The following CNBD1 variants were observed in gnomAD, a reference collection of about 807,000 sequenced individuals.
CNBD1 encodes cyclic nucleotide binding domain containing 1.
CNBD1 carries 71 observed loss-of-function variants against 54.4 expected under a neutral mutation model. The ratio of observed to expected loss-of-function variants is 1.30; its 90% CI spans 1.08 to 1.59. The LOEUF (loss-of-function observed/expected upper bound fraction) is 1.59, where lower values mean the gene tolerates loss of function less well. CNBD1 is among the 40% of genes most tolerant of loss of function. CNBD1 has a pLI of 0.00. For missense variants in CNBD1, 659 were observed against 518.0 expected, an observed-to-expected ratio of 1.27 and a Z score of -2.64; for synonymous variants, 182 against 170.7, an observed-to-expected ratio of 1.07 and a Z score of -0.51.
intron 6 of CNBD1, among the ~76,000 whole-genome samples, chr8:87,280,484 G>T (rs16898287): frequency 0.28 from 42,544 of 151,186 alleles, 6,444 homozygotes; most frequent in African/African-American, 0.39. Flanking sequence ...TTGTGTTTTT[G>T]TTGGTCCATT....
At chr8:87,078,221 A>C (rs1810915400) in intron 4 of CNBD1, among the ~76,000 whole-genome samples, 1 of 152,212 alleles carries the variant, frequency 6.6e-6, no homozygotes. Flanking sequence ...CCAGTCAATA[A>C]GACTAGGTGG....
chr8:87,426,648 A>C (rs1401942664), intron 2 of CNBD1, among the ~76,000 whole-genome samples: 6 of 152,214 alleles, frequency 3.9e-5, no homozygotes, highest in Non-Finnish European at 4.4e-5. Flanking sequence ...TCAATTTCTC[A>C]TTTGTAAAAT....
At chr8:87,230,835 C>T (rs1165015728) in intron 5 of CNBD1, among the ~76,000 whole-genome samples, 1 of 152,020 alleles carries the variant, frequency 6.6e-6, no homozygotes, top group African/African-American at 2.4e-5. Flanking sequence ...GCCAATCAAC[C>T]CACTTGTCAT....
At chr8:87,236,083 T>C (rs1807579308) in intron 5 of CNBD1, among the ~76,000 whole-genome samples, 2 of 151,904 alleles carry the variant, frequency 1.3e-5, no homozygotes, top group Admixed American at 1.3e-4. Flanking sequence ...GCCCTGAAAA[T>C]GCAATTTGTA....
chr8:87,037,654 T>A (rs532630985), intron 4 of CNBD1, among the ~76,000 whole-genome samples: 25 of 152,322 alleles, frequency 1.6e-4, no homozygotes, highest in African/African-American at 5.3e-4. Context: ...ATCAAAGTAT[T>A]TATTAGTGTC....
chr8:87,131,894 A>G (rs1206120634), intron 4 of CNBD1, among the ~76,000 whole-genome samples: 1 of 151,952 alleles, frequency 6.6e-6, no homozygotes. Context: ...ATGATTTCTT[A>G]TAGTGTTAGT....
At chr8:87,171,739 A>G (rs1210046495) in intron 4 of CNBD1, among the ~76,000 whole-genome samples, 2 of 151,874 alleles carry the variant, frequency 1.3e-5, no homozygotes, top group Non-Finnish European at 2.9e-5. Context: ...CCTGGGTTCA[A>G]GCAATTCTCT....
At chr8:87,023,618 A>G (rs577465331) in intron 4 of CNBD1, among the ~76,000 whole-genome samples, 5 of 152,202 alleles carry the variant, frequency 3.3e-5, no homozygotes, top group African/African-American at 1.2e-4. Flanking sequence ...CTTTAAGTCA[A>G]ATTTTAATTC....
chr8:87,399,349 A>C (rs1475222573), intron 2 of CNBD1, among the ~76,000 whole-genome samples: 2 of 152,062 alleles, frequency 1.3e-5, no homozygotes, highest in Non-Finnish European at 2.9e-5. Flanking sequence ...ATTTAGGGTC[A>C]CTAGGACCTT....
At chr8:87,365,488 A>G (rs1486710099) in intron 10 of CNBD1, among the ~76,000 whole-genome samples, 2 of 152,000 alleles carry the variant, frequency 1.3e-5, no homozygotes, top group African/African-American at 4.8e-5. Context: ...AATGTTGAAT[A>G]TCATGTTTTC....
chr8:86,904,382 C>G (rs1193965813), intron 2 of CNBD1, among the ~76,000 whole-genome samples: 1 of 151,962 alleles, frequency 6.6e-6, no homozygotes, highest in Non-Finnish European at 1.5e-5. Flanking sequence ...TTTCCAGAAA[C>G]AAATATCATT....
At chr8:87,395,180 T>G (rs1198958079) in intron 2 of CNBD1, among the ~76,000 whole-genome samples, 4 of 151,932 alleles carry the variant, frequency 2.6e-5, no homozygotes, top group Non-Finnish European at 4.4e-5. Context: ...TACTCTCTAC[T>G]TTCATTAGTA....
intron 10 of CNBD1, among the ~76,000 whole-genome samples, chr8:87,363,224 T>A (rs1810558881): frequency 1.3e-5 from 2 of 152,166 alleles, no homozygotes; most frequent in Non-Finnish European, 2.9e-5. Flanking sequence ...ATGGTGTATA[T>A]GTGCCACATT....
chr8:87,059,250 C>CTT (rs1810493107), intron 4 of CNBD1, among the ~76,000 whole-genome samples: 1 of 152,210 alleles, frequency 6.6e-6, no homozygotes, highest in African/African-American at 2.4e-5. Flanking sequence ...AGCTTCCTGT[C>CTT]TTCTGAGCTT....
At chr8:87,367,910 G>A (rs1326977355) in intron 10 of CNBD1, among the ~76,000 whole-genome samples, 2 of 152,056 alleles carry the variant, frequency 1.3e-5, no homozygotes, top group African/African-American at 2.4e-5. Context: ...GGTGGCTTAC[G>A]CCTATAATTC....
intron 2 of CNBD1, among the ~76,000 whole-genome samples, chr8:87,399,817 A>T (rs1807515783): frequency 6.6e-6 from 1 of 151,944 alleles, no homozygotes; most frequent in African/African-American, 2.4e-5. Flanking sequence ...GTGAAAAAGT[A>T]TTTCAATGTT....
chr8:87,377,955 T>A (rs1221850192), intron 10 of CNBD1, among the ~76,000 whole-genome samples: 2 of 145,736 alleles, frequency 1.4e-5, no homozygotes, highest in African/African-American at 5.2e-5. Context: ...TGTCTTCTTT[T>A]GAGAAGTGTC....
intron 2 of CNBD1, among the ~76,000 whole-genome samples, chr8:87,423,338 A>T (rs1005364746): frequency 1.3e-5 from 2 of 148,194 alleles, no homozygotes; most frequent in Non-Finnish European, 3.0e-5. Context: ...GAGAGAGGGC[A>T]TCCCTGTCTT....
At chr8:87,143,863 C>T (rs937455785) in intron 4 of CNBD1, among the ~76,000 whole-genome samples, 2 of 152,046 alleles carry the variant, frequency 1.3e-5, no homozygotes, top group Non-Finnish European at 2.9e-5. Context: ...TATTTTAAGA[C>T]AAAACCTTAG....
Sources: allele counts gnomAD v4.1 joint callset (sites outside exome capture counted in the v4.1 genomes callset), GRCh38; gene constraint gnomAD v4.1.1; transcripts MANE v1.5; gene names NCBI Gene and HGNC (gene_info 2026-07-23, HGNC 2026-07-21).